FGF2: variants seen among roughly 807,000 people sequenced by gnomAD.
FGF2 encodes basic fibroblast growth factor bFGF.
A neutral mutation model predicts 15.9 loss-of-function variants in FGF2; 13 were observed. The observed-to-expected ratio is 0.82, with a 90% CI of 0.53 to 1.30. The LOEUF (loss-of-function observed/expected upper bound fraction) is 1.30. Among genes scored for constraint, FGF2 ranks in the 50% most tolerant of loss-of-function variants. FGF2 has a pLI of 0.00. For missense variants in FGF2, 163 were observed against 196.9 expected (o/e 0.83, Z 1.03); for synonymous variants, 90 against 78.4 (o/e 1.15, Z -0.78).
intron 1 of FGF2, among the ~76,000 whole-genome samples, chr4:122,831,294 T>G (rs1480441469): frequency 5.3e-5 from 8 of 152,138 alleles, no homozygotes; most frequent in African/African-American, 1.9e-4. Context: ...GGACCCCACT[T>G]TGGTTAGGCT....
intron 1 of FGF2, among the ~76,000 whole-genome samples, chr4:122,852,280 C>G (rs1726250132): frequency 1.3e-5 from 2 of 152,174 alleles, no homozygotes; most frequent in South Asian, 2.1e-4. Flanking sequence ...ACTTACATGT[C>G]CAATACCTTA....
intron 1 of FGF2, among the ~76,000 whole-genome samples, chr4:122,848,625 G>C (rs1726164928): frequency 6.6e-6 from 1 of 152,130 alleles, no homozygotes; most frequent in African/African-American, 2.4e-5. Flanking sequence ...TGAGGATATG[G>C]GCCACAGAGG....
At position 122,893,395 on chromosome 4, in the gene FGF2, T is replaced by C; in HGVS notation, c.*999T>C. The C allele has an allele frequency of 1.8e-6, 1 of 555,460 alleles. No individual in the cohort carries two copies. The highest frequency in any genetic ancestry group is 3.7e-5 in the Admixed American group (1 of 26,966). The allele number at this position is 555,460 out of a possible 1,614,324, so 34.4% of individuals were successfully genotyped here. On this transcript the variant is annotated 3_prime_UTR_variant, in exon 3 of 3. Coordinates refer to ENST00000644866, the MANE Select transcript of FGF2 (RefSeq NM_001361665.2). ...TTGTGGATATCAAGAAATCCCAAAA[T>C]ATTTTCTTACCACTGTAAATTCAAG...
At chr4:122,889,463 G>T (rs2150791188) in intron 2 of FGF2, among the ~76,000 whole-genome samples, 1 of 152,120 alleles carries the variant, frequency 6.6e-6, no homozygotes, top group South Asian at 2.1e-4. Flanking sequence ...TTTTTAATAG[G>T]CACACTGAGA....
intron 1 of FGF2, among the ~76,000 whole-genome samples, chr4:122,868,730 A>T (rs1312736739): frequency 6.6e-6 from 1 of 152,184 alleles, no homozygotes. Flanking sequence ...TTACATTCCC[A>T]CCAACGGTGT....
At chr4:122,881,201 G>T (rs974741396) in intron 2 of FGF2, among the ~76,000 whole-genome samples, 5 of 152,122 alleles carry the variant, frequency 3.3e-5, no homozygotes, top group African/African-American at 1.2e-4. Flanking sequence ...GCCTGTGATG[G>T]GAAGGACTGC....
chr4:122,856,864 C>A (rs911079211), intron 1 of FGF2, among the ~76,000 whole-genome samples: 1 of 152,164 alleles, frequency 6.6e-6, no homozygotes, highest in Non-Finnish European at 1.5e-5. Flanking sequence ...CTCAGCCCCA[C>A]CTTGGGAAAC....
chr4:122,839,500 G>C (rs1725933015), intron 1 of FGF2, among the ~76,000 whole-genome samples: 3 of 152,172 alleles, frequency 2.0e-5, no homozygotes, highest in African/African-American at 7.2e-5. Context: ...GATAGATAAA[G>C]AGATACCAAG....
rs1468213710 is a variant in FGF2, at chr4:122,895,677, A to G, written c.*3281A>G. On this transcript the variant is annotated 3_prime_UTR_variant, in exon 3 of 3. Coordinates refer to ENST00000644866, the MANE Select transcript of FGF2 (RefSeq NM_001361665.2). ...GGTATTATTTTATACAAAAGCCTTG[A>G]GGATTGCATTCTATTTTCTATATGA... 1 of 152,222 alleles carries G rather than the reference A, an allele frequency of 6.6e-6. No homozygotes were observed. The highest frequency in any genetic ancestry group is 1.5e-5 in the Non-Finnish European group (1 of 68,030). The allele number at this position is 152,222 out of a possible 1,614,324, so 9.4% of individuals were successfully genotyped here.
rs144436554 is a variant in FGF2 at position 122,867,396 on chromosome 4, T to G, written c.179-8925T>G. 3.9e-5 allele frequency among the ~76,000 whole-genome samples: 6 copies of G among 152,352 alleles called. No individual in the cohort carries two copies. In the East Asian group the frequency reaches 9.6e-4, roughly 24 times the overall value. ...GATATTACTTAGTATTATGGTGTCT[T>G]TGGAAAAGGAATTTCTCAGATGGAG... On this transcript the variant is annotated intron_variant, in intron 1 of 2. Transcript: ENST00000644866.
At chr4:122,841,302 C>G (rs574987745) in intron 1 of FGF2, among the ~76,000 whole-genome samples, 19 of 152,326 alleles carry the variant, frequency 1.2e-4, no homozygotes, top group Admixed American at 7.2e-4. Context: ...TATTTACTTC[C>G]TGGCCCTTTA....
At chr4:122,838,729 C>T (rs1259460886) in intron 1 of FGF2, among the ~76,000 whole-genome samples, 1 of 152,188 alleles carries the variant, frequency 6.6e-6, no homozygotes, top group Non-Finnish European at 1.5e-5. Flanking sequence ...TCGTCTATTC[C>T]ACTCTCCTTT....
intron 2 of FGF2, among the ~76,000 whole-genome samples, chr4:122,891,809 AC>A (rs751360238): frequency 2.6e-5 from 4 of 152,180 alleles, no homozygotes; most frequent in Non-Finnish European, 5.9e-5. Flanking sequence ...TTGGTAACCT[AC>A]CTTGGGACTG....
intron 1 of FGF2, among the ~76,000 whole-genome samples, chr4:122,849,539 G>A (rs1281805691): frequency 6.6e-6 from 1 of 151,958 alleles, no homozygotes. Flanking sequence ...ACCATGGCAC[G>A]TGTATACCTG....
intron 1 of FGF2, among the ~76,000 whole-genome samples, chr4:122,842,233 G>T (rs1162977071): frequency 6.6e-6 from 1 of 152,306 alleles, no homozygotes; most frequent in African/African-American, 2.4e-5. Context: ...TGTATGGAGT[G>T]CATCTTTCCT....
intron 1 of FGF2, among the ~76,000 whole-genome samples, chr4:122,841,420 T>C (rs1725981814): frequency 6.6e-6 from 1 of 152,240 alleles, no homozygotes; most frequent in Non-Finnish European, 1.5e-5. Flanking sequence ...TTAATACTAA[T>C]TTCCTGACAC....
At chr4:122,832,565 C>T (rs1352456663) in intron 1 of FGF2, among the ~76,000 whole-genome samples, 1 of 152,178 alleles carries the variant, frequency 6.6e-6, no homozygotes, top group Non-Finnish European at 1.5e-5. Flanking sequence ...AAATCTTAAC[C>T]TCATCAGGAT....
At chr4:122,891,528 C>T (rs1393293479) in intron 2 of FGF2, among the ~76,000 whole-genome samples, 1 of 151,484 alleles carries the variant, frequency 6.6e-6, no homozygotes, top group Non-Finnish European at 1.5e-5. Context: ...ACTTATTCCT[C>T]ATTGTCTAAC....
rs996467123 is a variant in FGF2 at position 122,896,511 on chromosome 4, T to C, written c.*4115T>C. 1.3e-5 allele frequency: 2 copies of C among 152,168 alleles called. No homozygotes were observed. Among genetic ancestry groups the C allele is most frequent in the Admixed American group, 6.6e-5 (1 of 15,264 alleles). 9.4% of individuals were successfully genotyped at this position (152,168 alleles called of 1,614,324 possible). On this transcript the variant is annotated 3_prime_UTR_variant, in exon 3 of 3. Coordinates refer to ENST00000644866, the MANE Select transcript of FGF2 (RefSeq NM_001361665.2). The stretch of plus-strand genomic sequence containing the variant: ...TCTGCTCTCACGTGGCACCAGTGGA[T>C]AGTGTGAGAGAATTAGGCTGTAGAA...
Sources: allele counts gnomAD v4.1 joint callset (sites outside exome capture counted in the v4.1 genomes callset), GRCh38; gene constraint gnomAD v4.1.1; transcripts MANE v1.5; gene names NCBI Gene and HGNC (gene_info 2026-07-23, HGNC 2026-07-21).